NCOA1: variants seen among roughly 807,000 people sequenced by gnomAD.
NCOA1 encodes the protein Hin-2 protein.
Under a neutral mutation model 150.9 loss-of-function variants are expected in NCOA1, and 35 were observed. The observed-to-expected ratio is 0.23, with a 90% CI of 0.18 to 0.31. The LOEUF is 0.31. Among genes scored for constraint, NCOA1 ranks in the 10% least tolerant of loss-of-function variants. The pLI, the probability that NCOA1 is intolerant of heterozygous loss-of-function variation, is 1.00. For missense variants in NCOA1, 1,491 were observed against 1,749.3 expected (o/e 0.85, Z 2.63); for synonymous variants, 590 against 630.0 (o/e 0.94, Z 0.95).
chr2:24,565,808 C>T (rs1303038783), intron 2 of NCOA1, among the ~76,000 whole-genome samples: 2 of 152,106 alleles, frequency 1.3e-5, no homozygotes, highest in Admixed American at 6.5e-5. Context: ...GCAGGCAGCT[C>T]CAGGCATCAG....
At chr2:24,658,402 T>C (rs17791703) in intron 4 of NCOA1, among the ~76,000 whole-genome samples, 23,473 of 152,238 alleles carry the variant, frequency 0.15, 2,171 homozygotes, top group Non-Finnish European at 0.21. Context: ...CTAACCATGT[T>C]TTCATCCTAA....
At chr2:24,609,281 T>G (rs1199895609) in intron 3 of NCOA1, among the ~76,000 whole-genome samples, 1 of 152,216 alleles carries the variant, frequency 6.6e-6, no homozygotes, top group South Asian at 2.1e-4. Flanking sequence ...TTAGTTTTAG[T>G]GGGTTATGTA....
intron 3 of NCOA1, among the ~76,000 whole-genome samples, chr2:24,631,805 G>T (rs1029150831): frequency 1.3e-5 from 2 of 152,120 alleles, no homozygotes; most frequent in South Asian, 4.1e-4. Context: ...CCAATGAACT[G>T]TTGCATAGGC....
At chr2:24,521,579 A>C (rs1159271975) in intron 1 of NCOA1, among the ~76,000 whole-genome samples, 1 of 152,192 alleles carries the variant, frequency 6.6e-6, no homozygotes, top group Non-Finnish European at 1.5e-5. Flanking sequence ...CTTCTTTTTA[A>C]AGGCCAAATA....
chr2:24,658,650 T>G lies in NCOA1; in HGVS notation c.-17-11T>G. On this transcript the variant is annotated splice_polypyrimidine_tract_variant and intron_variant, in intron 4 of 22. Transcript: ENST00000348332. The stretch of plus-strand genomic sequence containing the variant: ...AAGGGTAGATTTCTTACTGTTGTCC[T>G]TCCTGTTTAGGTGTGAAGTTTTTCA... The G allele has an allele frequency of 6.3e-7, 1 of 1,599,860 alleles. No homozygotes were observed.
chr2:24,533,354 G>A (rs957050176), intron 1 of NCOA1, among the ~76,000 whole-genome samples: 5 of 152,130 alleles, frequency 3.3e-5, no homozygotes, highest in Non-Finnish European at 5.9e-5. Flanking sequence ...GGGCTGAGAC[G>A]ATGCGGTTTT....
chr2:24,616,731 T>C lies in NCOA1; in HGVS notation c.-174-27235T>C, dbSNP rs188066084. On this transcript the variant is annotated intron_variant, in intron 3 of 22. Coordinates refer to ENST00000348332, the MANE Select transcript of NCOA1 (RefSeq NM_003743.5). Reference sequence around the variant, plus strand: ...TAGTTTTTTATATGTACTGTAGTCCTGCTCAGGACATGAGCAGTCCCTGAC... The same window carrying C: ...TAGTTTTTTATATGTACTGTAGTCCCGCTCAGGACATGAGCAGTCCCTGAC... 2.2e-4 allele frequency among the ~76,000 whole-genome samples: 33 copies of C among 152,282 alleles called. No individual in the cohort carries two copies. In the East Asian group the frequency reaches 6.4e-3, roughly 29 times the overall value.
At chr2:24,605,490 T>C (rs957330800) in intron 3 of NCOA1, among the ~76,000 whole-genome samples, 2 of 152,234 alleles carry the variant, frequency 1.3e-5, no homozygotes, top group African/African-American at 2.4e-5. Flanking sequence ...GTTTGTTCTA[T>C]TGTTGATTGA....
At chr2:24,613,008 C>A (rs575504197) in intron 3 of NCOA1, among the ~76,000 whole-genome samples, 67 of 152,242 alleles carry the variant, frequency 4.4e-4, no homozygotes, top group African/African-American at 1.6e-3. Context: ...TCTGGAGACA[C>A]TGGCACTTTT....
intron 17 of NCOA1, among the ~76,000 whole-genome samples, chr2:24,734,626 C>G (rs923390644): frequency 6.6e-6 from 1 of 151,956 alleles, no homozygotes; most frequent in African/African-American, 2.4e-5. Flanking sequence ...AAGACTCTGT[C>G]TCTACCAAAA....
intron 10 of NCOA1, among the ~76,000 whole-genome samples, chr2:24,694,203 G>T (rs1454176841): frequency 6.6e-6 from 1 of 152,156 alleles, no homozygotes; most frequent in Non-Finnish European, 1.5e-5. Flanking sequence ...TTTTCAGCAA[G>T]AACAAGTTGT....
At chr2:24,587,781 G>T (rs1667477383) in intron 3 of NCOA1, among the ~76,000 whole-genome samples, 1 of 152,190 alleles carries the variant, frequency 6.6e-6, no homozygotes, top group South Asian at 2.1e-4. Context: ...GTCACAATCA[G>T]TGGTTGTCTT....
intron 3 of NCOA1, among the ~76,000 whole-genome samples, chr2:24,605,186 A>G (rs1668310300): frequency 6.6e-6 from 1 of 152,190 alleles, no homozygotes; most frequent in African/African-American, 2.4e-5. Flanking sequence ...AGTTTGAGAT[A>G]TTGTGAGGTT....
At chr2:24,596,745 A>C (rs1420988522) in intron 3 of NCOA1, among the ~76,000 whole-genome samples, 1 of 152,180 alleles carries the variant, frequency 6.6e-6, no homozygotes, top group Non-Finnish European at 1.5e-5. Context: ...TGTATACTTA[A>C]GATGATTTCA....
At chr2:24,746,897 G>A (rs1327752937) in intron 19 of NCOA1, among the ~76,000 whole-genome samples, 1 of 152,170 alleles carries the variant, frequency 6.6e-6, no homozygotes, top group Non-Finnish European at 1.5e-5. Context: ...ATACATGTGA[G>A]TGAATGGAGG....
chr2:24,507,073 C>A (rs1032282015), intron 1 of NCOA1, among the ~76,000 whole-genome samples: 2 of 152,198 alleles, frequency 1.3e-5, no homozygotes, highest in African/African-American at 4.8e-5. Context: ...AGTACTGTTA[C>A]TATTAGCGGC....
rs1673451632 is a variant in NCOA1, at chr2:24,706,666, G to A, written c.1196G>A (p.Gly399Asp). 2 of 1,613,974 alleles carry A rather than the reference G, an allele frequency of 1.2e-6. No individual in the cohort carries two copies. Among genetic ancestry groups the A allele is most frequent in the Admixed American group, 1.7e-5 (1 of 59,992 alleles). The change falls in exon 13 of 23, where the codon GGT becomes GAT. Residue 399 changes from glycine to aspartate, a missense_variant. Coordinates refer to ENST00000348332, the MANE Select transcript of NCOA1 (RefSeq NM_003743.5). Reference sequence around the variant, plus strand: ...AATCCTAGTATCTCTCCAGCTCATGGTGTGGCTCGTTCATCCACATTGCCA... The same window carrying A: ...AATCCTAGTATCTCTCCAGCTCATGATGTGGCTCGTTCATCCACATTGCCA... ...SVNPSISPAH[G>D]VARSSTLPPS...
chr2:24,516,198 T>TC (rs2148120750), intron 1 of NCOA1, among the ~76,000 whole-genome samples: 1 of 141,854 alleles, frequency 7.0e-6, no homozygotes, highest in East Asian at 2.0e-4. Flanking sequence ...TTTTTTTTTT[T>TC]TTTTTTTTTT....
chr2:24,523,016 A>G (rs1382325109), intron 1 of NCOA1, among the ~76,000 whole-genome samples: 1 of 152,208 alleles, frequency 6.6e-6, no homozygotes, highest in Non-Finnish European at 1.5e-5. Context: ...GCATTATTCT[A>G]AATATTTTAC....
Sources: allele counts gnomAD v4.1 joint callset (sites outside exome capture counted in the v4.1 genomes callset), GRCh38; gene constraint gnomAD v4.1.1; transcripts MANE v1.5; gene names NCBI Gene and HGNC (gene_info 2026-07-23, HGNC 2026-07-21).